The following PDE4D variants were observed in gnomAD, a reference collection of about 807,000 sequenced individuals.
PDE4D encodes the protein 3',5'-cyclic-AMP phosphodiesterase 4D.
Under a neutral mutation model 87.4 loss-of-function variants are expected in PDE4D, and 24 were observed. That is an observed-to-expected ratio of 0.27 (90% CI 0.20 to 0.39). PDE4D has a LOEUF of 0.39. PDE4D is among the 10% of genes least tolerant of loss of function. The pLI is 1.00. For synonymous variants in PDE4D, 384 were observed against 383.2 expected (o/e 1.00, Z -0.02); for missense variants, 714 against 1,041.0 (o/e 0.69, Z 4.32).
At chr5:60,414,015 C>T (rs1033672704) in intron 1 of PDE4D, among the ~76,000 whole-genome samples, 1 of 152,106 alleles carries the variant, frequency 6.6e-6, no homozygotes, top group Admixed American at 6.6e-5. Context: ...TTTGTTCCAC[C>T]AAGTTTCTCG....
chr5:59,040,762 T>G (rs1236327137), intron 5 of PDE4D, among the ~76,000 whole-genome samples: 1 of 152,176 alleles, frequency 6.6e-6, no homozygotes, highest in Non-Finnish European at 1.5e-5. Flanking sequence ...TTACACTAAG[T>G]GGTGGGATCC....
intron 1 of PDE4D, among the ~76,000 whole-genome samples, chr5:59,555,212 G>A (rs749080206): frequency 2.0e-5 from 3 of 152,144 alleles, no homozygotes; most frequent in Non-Finnish European, 4.4e-5. Context: ...CGTGGATGGA[G>A]CTAGAGGCAT....
intron 6 of PDE4D, 86 bp from the exon 7 acceptor site, chr5:58,993,551 T>C (rs1420355465): frequency 1.8e-5 from 14 of 798,918 alleles, no homozygotes; most frequent in Admixed American, 1.2e-4. Flanking sequence ...CAGGAAGATA[T>C]GCCCAAAGAA....
At chr5:59,298,730 T>C (rs1353161201) in intron 1 of PDE4D, among the ~76,000 whole-genome samples, 1 of 152,224 alleles carries the variant, frequency 6.6e-6, no homozygotes, top group African/African-American at 2.4e-5. Context: ...TGAAGGTTTA[T>C]GATATGCTAA....
intron 3 of PDE4D, among the ~76,000 whole-genome samples, chr5:59,979,192 A>G (rs914953666): frequency 2.6e-5 from 4 of 152,102 alleles, no homozygotes; most frequent in African/African-American, 9.7e-5. Context: ...CCAAAATCAC[A>G]TGTTAACTGA....
intron 1 of PDE4D, among the ~76,000 whole-genome samples, chr5:59,340,730 C>T (rs2153581659): frequency 6.6e-6 from 1 of 152,252 alleles, no homozygotes; most frequent in East Asian, 1.9e-4. Context: ...ACTCTATCTC[C>T]ATGAGATCAA....
chr5:59,600,053 C>A (rs1256879732), intron 1 of PDE4D, among the ~76,000 whole-genome samples: 3 of 152,136 alleles, frequency 2.0e-5, no homozygotes, highest in Non-Finnish European at 4.4e-5. Context: ...CCTTGTTTTC[C>A]AATTGCTGCT....
At chr5:60,150,045 A>G (rs928585663) in intron 2 of PDE4D, among the ~76,000 whole-genome samples, 8 of 147,540 alleles carry the variant, frequency 5.4e-5, no homozygotes, top group African/African-American at 2.0e-4. Flanking sequence ...TATAGTATAT[A>G]TAATTCTATA....
intron 1 of PDE4D, among the ~76,000 whole-genome samples, chr5:59,401,867 A>C (rs1265267064): frequency 6.6e-6 from 1 of 152,194 alleles, no homozygotes; most frequent in Non-Finnish European, 1.5e-5. Flanking sequence ...TCTTTCAGGA[A>C]GCCTGGCAGT....
At chr5:60,176,819 G>C (rs1173275324) in intron 2 of PDE4D, among the ~76,000 whole-genome samples, 1 of 152,152 alleles carries the variant, frequency 6.6e-6, no homozygotes, top group Admixed American at 6.6e-5. Flanking sequence ...GCTGTAAAAG[G>C]AGTTTTTTGT....
chr5:59,827,908 C>T (rs1770512419), intron 1 of PDE4D, among the ~76,000 whole-genome samples: 1 of 152,058 alleles, frequency 6.6e-6, no homozygotes, highest in Non-Finnish European at 1.5e-5. Context: ...TTATCTCTGC[C>T]ATTTCCACTT....
chr5:59,956,475 A>G (rs554222272), intron 3 of PDE4D, among the ~76,000 whole-genome samples: 7 of 151,642 alleles, frequency 4.6e-5, no homozygotes, highest in South Asian at 2.1e-4. Flanking sequence ...CTCATTGTGG[A>G]AAAAAAAAGC....
At chr5:59,091,174 C>T (rs535846115) in intron 5 of PDE4D, 53 of 448,842 alleles carry the variant, frequency 1.2e-4, no homozygotes, top group Admixed American at 2.2e-4. Flanking sequence ...TTTATTAGAA[C>T]GTGGAGCAAC....
chr5:59,079,707 G>C (rs1231516187), intron 5 of PDE4D, among the ~76,000 whole-genome samples: 2 of 124,850 alleles, frequency 1.6e-5, no homozygotes, highest in Non-Finnish European at 3.8e-5. Flanking sequence ...GGGCATAATG[G>C]TGTGTGCCTA....
chr5:59,523,480 A>G (rs1582973828), intron 1 of PDE4D, among the ~76,000 whole-genome samples: 3 of 152,306 alleles, frequency 2.0e-5, no homozygotes, highest in East Asian at 3.9e-4. Context: ...ACTGCACAAC[A>G]TTTCTTACAG....
At chr5:59,080,382 C>T (rs1473235534) in intron 5 of PDE4D, among the ~76,000 whole-genome samples, 5 of 152,178 alleles carry the variant, frequency 3.3e-5, no homozygotes. Context: ...GAATGGATGA[C>T]TACATAATGG....
chr5:60,021,500 T>G (rs1766064292), intron 2 of PDE4D, among the ~76,000 whole-genome samples: 1 of 152,242 alleles, frequency 6.6e-6, no homozygotes, highest in African/African-American at 2.4e-5. Flanking sequence ...TGCAGAGTGC[T>G]GTGCAAAGCT....
chr5:58,976,328 G>A (rs772056459), intron 13 of PDE4D, 22 bp downstream of exon 13: 4 of 1,610,656 alleles, frequency 2.5e-6, no homozygotes, highest in Non-Finnish European at 2.5e-6. Flanking sequence ...CACACACAGA[G>A]CAAACTCAAA....
chr5:59,748,931 T>A (rs1458727915), intron 1 of PDE4D, among the ~76,000 whole-genome samples: 1 of 152,170 alleles, frequency 6.6e-6, no homozygotes, highest in East Asian at 1.9e-4. Context: ...AAAACTGATC[T>A]TCCAGTCCCA....
Sources: allele counts gnomAD v4.1 joint callset (sites outside exome capture counted in the v4.1 genomes callset), GRCh38; gene constraint gnomAD v4.1.1; transcripts MANE v1.5; gene names NCBI Gene and HGNC (gene_info 2026-07-23, HGNC 2026-07-21).